Variants in FANCB observed in about 807,000 individuals in gnomAD.
FANCB encodes the protein Fanconi anemia group B protein.
A neutral mutation model predicts 38.9 loss-of-function variants in FANCB; 5 were observed. The ratio of observed to expected loss-of-function variants is 0.13; its 90% CI spans 0.07 to 0.27. The LOEUF (loss-of-function observed/expected upper bound fraction) is 0.27, where lower values mean the gene tolerates loss of function less well. Among genes scored for constraint, FANCB ranks in the 10% least tolerant of loss-of-function variants. The pLI is 1.00. For synonymous variants in FANCB, 236 were observed against 215.4 expected, an observed-to-expected ratio of 1.10 and a Z score of -0.84; for missense variants, 573 against 602.7, an observed-to-expected ratio of 0.95 and a Z score of 0.52.
At chrX:14,869,581 C>T (rs1395428127) in intron 1 of FANCB, among the ~76,000 whole-genome samples, 2 of 111,847 alleles carry the variant, frequency 1.8e-5, no homozygotes, top group Non-Finnish European at 3.8e-5. Context: ...AATATATCAA[C>T]TCATTTATGC....
intron 6 of FANCB, 122 bp downstream of exon 6, chrX:14,852,912 ACTTTT>A (rs1156549348): frequency 1.8e-6 from 1 of 552,905 alleles, no homozygotes; most frequent in African/African-American, 2.4e-5. Flanking sequence ...AACCTCTGCT[ACTTTT>A]CTTCTTGATC....
chrX:14,832,913 T>C (rs554156496), downstream of FANCB, among the ~76,000 whole-genome samples: 6 of 112,095 alleles, frequency 5.4e-5, no homozygotes, highest in Middle Eastern at 4.6e-3. Context: ...ATGTGTAAAT[T>C]TGTTTTGAGT....
At chrX:14,731,905 T>TTAAG in the FANCB span, 2 of 111,501 alleles carry the variant, frequency 1.8e-5, no homozygotes, top group South Asian at 3.8e-4. Context: ...TTATTATACT[T>TTAAG]TAAGTTCTGG....
chrX:14,843,295 C>T, downstream of FANCB: 1 of 293,222 alleles, frequency 3.4e-6, no homozygotes, highest in Non-Finnish European at 5.9e-6. Context: ...CCATAGCACC[C>T]CTGCCTCACC....
the FANCB span, among the ~76,000 whole-genome samples, chrX:14,823,318 G>A: frequency 1.8e-5 from 2 of 110,661 alleles, no homozygotes; most frequent in East Asian, 2.8e-4. Context: ...CCTTGACCTC[G>A]TGATCCGCCC....
the FANCB span, among the ~76,000 whole-genome samples, chrX:14,821,504 C>G: frequency 8.9e-6 from 1 of 111,921 alleles, no homozygotes; most frequent in Non-Finnish European, 1.9e-5. Flanking sequence ...ACAATTAACC[C>G]TCAGTCACAC....
the FANCB span, among the ~76,000 whole-genome samples, chrX:14,741,031 G>T: frequency 2.7e-5 from 3 of 111,131 alleles, no homozygotes; most frequent in Non-Finnish European, 5.7e-5. Flanking sequence ...TTGGAACCTG[G>T]TTCATTATTG....
the FANCB span, among the ~76,000 whole-genome samples, chrX:14,809,621 C>G: frequency 3.8e-4 from 43 of 112,278 alleles, no homozygotes; most frequent in Non-Finnish European, 6.8e-4. Flanking sequence ...GGCAGGCAGG[C>G]TGGGGAAGGG....
chrX:14,723,488 T>C, the FANCB span, among the ~76,000 whole-genome samples: 1 of 112,369 alleles, frequency 8.9e-6, no homozygotes, highest in East Asian at 2.8e-4. Flanking sequence ...GCAACCAAAG[T>C]GATTTATTTC....
chrX:14,835,831 A>C (rs936797386), downstream of FANCB: 3 of 112,843 alleles, frequency 2.7e-5, no homozygotes, highest in Admixed American at 2.8e-4. Flanking sequence ...GTGGGAATGT[A>C]AAATAGTGCA....
the FANCB span, among the ~76,000 whole-genome samples, chrX:14,718,970 G>A: frequency 1.8e-5 from 2 of 111,707 alleles, no homozygotes; most frequent in African/African-American, 3.3e-5. Context: ...AAGTCACAAT[G>A]AAGAAACCAT....
chrX:14,692,061 T>C, the FANCB span, among the ~76,000 whole-genome samples: 1 of 111,993 alleles, frequency 8.9e-6, no homozygotes, highest in East Asian at 2.8e-4. Context: ...GGAGTTTATG[T>C]GGGTATGAGC....
At chrX:14,834,216 T>C (rs192889872), downstream of FANCB, among the ~76,000 whole-genome samples, 560 of 111,466 alleles carry the variant, frequency 5.0e-3, 4 homozygotes, top group African/African-American at 0.018. Flanking sequence ...ACCATTTCCA[T>C]GTCTGACCAC....
chrX:14,869,297 C>T (rs1412403518), intron 1 of FANCB: 1 of 111,934 alleles, frequency 8.9e-6, no homozygotes. Context: ...AATATCACAA[C>T]TAATGTTTAA....
the FANCB span, among the ~76,000 whole-genome samples, chrX:14,792,099 A>G: frequency 1.8e-5 from 2 of 111,709 alleles, no homozygotes; most frequent in African/African-American, 3.3e-5. Flanking sequence ...TAATGAATTC[A>G]CTAAAAATGT....
the FANCB span, among the ~76,000 whole-genome samples, chrX:14,778,777 C>T: frequency 7.1e-5 from 8 of 112,398 alleles, no homozygotes; most frequent in Non-Finnish European, 1.5e-4. Flanking sequence ...CAATCCCAGA[C>T]CATTTTCCTT....
chrX:14,804,682 T>G, the FANCB span, among the ~76,000 whole-genome samples: 2 of 112,019 alleles, frequency 1.8e-5, no homozygotes, highest in Non-Finnish European at 3.8e-5. Flanking sequence ...TGAGGAAAAT[T>G]AAAGTGACAG....
At chrX:14,856,759 C>A (rs1407155642) in intron 5 of FANCB, among the ~76,000 whole-genome samples, 1 of 111,449 alleles carries the variant, frequency 9.0e-6, no homozygotes, top group Non-Finnish European at 1.9e-5. Context: ...ACTAGCGTGG[C>A]CTCCTCTTTA....
At position 14,872,550 on chromosome X, in the gene FANCB, G is replaced by T. The variant is rs775470072; in HGVS notation, c.-192+436C>A. On this transcript the variant is annotated intron_variant, in intron 1 of 9. Transcript: ENST00000650831. The stretch of plus-strand genomic sequence containing the variant: ...TGGTCTCTATCCACTAGTAGCCAGT[G>T]AGCATCTCTTTTGCCCCCGGCCCCT... Among the ~76,000 whole-genome samples, 13 of 109,224 alleles carry T rather than the reference G, an allele frequency of 1.2e-4. 1 individual carries two copies. In the South Asian group the frequency reaches 5.2e-3, roughly 44 times the overall value. 94.8% of individuals were successfully genotyped at this position (109,224 alleles called of 115,157 possible).
Sources: gnomAD v4.1 joint callset for allele counts (sites outside exome capture counted in the v4.1 genomes callset) on GRCh38, gnomAD v4.1.1 for gene constraint, MANE v1.5 for transcripts, NCBI Gene and HGNC (gene_info 2026-07-23, HGNC 2026-07-21) for gene names.